Variants in PRKCB observed in about 807,000 individuals in gnomAD.
The protein encoded by PRKCB is protein kinase C beta.
A neutral mutation model predicts 81.5 loss-of-function variants in PRKCB; 13 were observed. The observed-to-expected ratio is 0.16, with a 90% CI of 0.10 to 0.25. The LOEUF is 0.25. Among genes scored for constraint, PRKCB ranks in the 10% least tolerant of loss-of-function variants. The pLI is 1.00. For synonymous variants in PRKCB, 335 were observed against 321.4 expected, an observed-to-expected ratio of 1.04 and a Z score of -0.45; for missense variants, 509 against 875.7, an observed-to-expected ratio of 0.58 and a Z score of 5.29.
intron 5 of PRKCB, among the ~76,000 whole-genome samples, chr16:24,075,959 T>C (rs999975250): frequency 6.6e-6 from 1 of 152,216 alleles, no homozygotes; most frequent in Admixed American, 6.5e-5. Flanking sequence ...TTTGTTATTA[T>C]ACTTTAAGTT....
chr16:24,053,151 G>A (rs573140117), intron 5 of PRKCB, among the ~76,000 whole-genome samples: 10 of 152,272 alleles, frequency 6.6e-5, no homozygotes, highest in East Asian at 1.9e-4. Context: ...CATCCAGCAC[G>A]GGGTTACTGC....
At chr16:23,881,576 T>C (rs1394915168) in intron 2 of PRKCB, among the ~76,000 whole-genome samples, 2 of 152,176 alleles carry the variant, frequency 1.3e-5, no homozygotes, top group Non-Finnish European at 2.9e-5. Context: ...TAAAAAAATA[T>C]TTTATTCCTT....
Position 24,180,821 on chromosome 16 carries a change from T to G in PRKCB, c.1426T>G (p.Ser476Ala). ...AAAACTTGACAACGTGATGCTCGAT[T>G]CTGAGGGACACATCAAGATTGCCGA... The part of the protein sequence containing the change: ...DLKLDNVMLD[S>A]EGHIKIADFG... Residue 476 changes from serine (S) to alanine (A), a missense_variant, in exon 13 of 17, where the codon TCT becomes GCT. Coordinates refer to ENST00000643927, the MANE Select transcript of PRKCB (RefSeq NM_002738.7). 6.2e-7 allele frequency: 1 copy of G among 1,614,212 alleles called. No homozygotes were observed. Among genetic ancestry groups the G allele is most frequent in the Non-Finnish European group, 8.5e-7 (1 of 1,180,030 alleles).
At chr16:23,974,501 C>T (rs537974933) in intron 2 of PRKCB, among the ~76,000 whole-genome samples, 1 of 152,184 alleles carries the variant, frequency 6.6e-6, no homozygotes, top group Non-Finnish European at 1.5e-5. Context: ...GCCAAGAGGG[C>T]AGGATCAGGA....
chr16:23,905,514 T>C (rs986557648), intron 2 of PRKCB, among the ~76,000 whole-genome samples: 1 of 152,206 alleles, frequency 6.6e-6, no homozygotes, highest in Non-Finnish European at 1.5e-5. Context: ...GTCCCAAATA[T>C]TGCATAGCAC....
chr16:23,879,820 G>C (rs1475885766), intron 2 of PRKCB, among the ~76,000 whole-genome samples: 2 of 152,202 alleles, frequency 1.3e-5, no homozygotes, highest in African/African-American at 4.8e-5. Flanking sequence ...TTCTAAGACA[G>C]CAGCATAGTA....
At chr16:24,178,125 G>T (rs770416793) in intron 12 of PRKCB, among the ~76,000 whole-genome samples, 13 of 152,148 alleles carry the variant, frequency 8.5e-5, no homozygotes, top group Admixed American at 1.3e-4. Flanking sequence ...TAAGTAAAGA[G>T]GATGAAGGAT....
chr16:23,925,975 G>A (rs892728071), intron 2 of PRKCB, among the ~76,000 whole-genome samples: 1 of 151,050 alleles, frequency 6.6e-6, no homozygotes. Flanking sequence ...TCCTGTTGCT[G>A]CAAAAGACAT....
intron 5 of PRKCB, among the ~76,000 whole-genome samples, chr16:24,072,510 A>G (rs1458713009): frequency 2.0e-5 from 3 of 151,986 alleles, no homozygotes; most frequent in Non-Finnish European, 4.4e-5. Flanking sequence ...TCAGCTTCCC[A>G]AAGAGTTGGG....
intron 3 of PRKCB, among the ~76,000 whole-genome samples, chr16:24,019,989 A>C (rs918327745): frequency 6.6e-6 from 1 of 152,284 alleles, no homozygotes; most frequent in East Asian, 1.9e-4. Flanking sequence ...AGGTTATTTT[A>C]CCTTCGTCCA....
intron 2 of PRKCB, among the ~76,000 whole-genome samples, chr16:23,915,829 T>A (rs1468595807): frequency 6.7e-6 from 1 of 150,244 alleles, no homozygotes; most frequent in African/African-American, 2.5e-5. Context: ...AAAATAAAAA[T>A]CACCTCTAAT....
chr16:23,878,100 C>T (rs957075353), intron 2 of PRKCB, among the ~76,000 whole-genome samples: 1 of 152,198 alleles, frequency 6.6e-6, no homozygotes, highest in African/African-American at 2.4e-5. Context: ...TCCCAAAGTG[C>T]TGTAATTACA....
At position 24,218,035 on chromosome 16, in the gene PRKCB, A is replaced by G. The variant is rs1472558569; in HGVS notation, c.*3219A>G. On this transcript the variant is annotated 3_prime_UTR_variant, in exon 17 of 17. Transcript: ENST00000643927. ...ATCCCAAGTCTTCCTTCATTCCACA[A>G]ATAATTACAAACAACCTACTGTGTG... 1 of 985,244 alleles carries G rather than the reference A, an allele frequency of 1.0e-6. No homozygotes were observed. Among genetic ancestry groups the G allele is most frequent in the Non-Finnish European group, 1.2e-6 (1 of 829,924 alleles). 61.0% of individuals were successfully genotyped at this position (985,244 alleles called of 1,614,324 possible).
Position 23,988,672 on chromosome 16 carries a change from G to A in PRKCB, c.288+82G>A, listed in dbSNP as rs1162119111. On this transcript the variant is annotated intron_variant, in intron 3 of 16. Coordinates refer to ENST00000643927, the MANE Select transcript of PRKCB (RefSeq NM_002738.7). The stretch of plus-strand genomic sequence containing the variant: ...TAAATGTGAGTGAGCATTCTTAGAC[G>A]AGTAAGTGTGGACGATCTCACTCTA... 1.6e-5 allele frequency: 20 copies of A among 1,252,876 alleles called. 1 individual carries two copies. In the South Asian group the frequency reaches 2.5e-4, roughly 16 times the overall value. The allele number at this position is 1,252,876 out of a possible 1,614,324, so 77.6% of individuals were successfully genotyped here.
intron 2 of PRKCB, among the ~76,000 whole-genome samples, chr16:23,839,468 G>A (rs954788059): frequency 6.6e-6 from 1 of 152,044 alleles, no homozygotes; most frequent in Non-Finnish European, 1.5e-5. Flanking sequence ...TAGAGAAGGG[G>A]TCTTGTGATG....
Position 24,172,293 on chromosome 16 carries a change from G to A in PRKCB, c.1263G>A (p.Glu421=). The A allele has an allele frequency of 6.2e-7, 1 of 1,614,038 alleles. No homozygotes were observed. The highest frequency in any genetic ancestry group is 1.1e-5 in the South Asian group (1 of 91,064). Residue 421 remains glutamate, a synonymous_variant, in exon 11 of 17, where the codon GAG becomes GAA. Coordinates refer to ENST00000643927, the MANE Select transcript of PRKCB (RefSeq NM_002738.7). The stretch of plus-strand genomic sequence containing the variant: ...AGGACCGCCTGTACTTTGTGATGGA[G>A]TACGTGAATGGGGGCGACCTCATGT... The part of the protein sequence containing the change: ...QTMDRLYFVM[E]YVNGGDLMYH...
chr16:23,865,692 C>T (rs775512025), intron 2 of PRKCB, among the ~76,000 whole-genome samples: 4 of 151,012 alleles, frequency 2.6e-5, no homozygotes, highest in Non-Finnish European at 4.4e-5. Context: ...CCAAGGGGCT[C>T]TTCTTGGGCT....
At chr16:24,047,723 G>A (rs926386118) in intron 5 of PRKCB, among the ~76,000 whole-genome samples, 11 of 152,206 alleles carry the variant, frequency 7.2e-5, no homozygotes, top group Admixed American at 6.5e-5. Context: ...CCAGTGGGGA[G>A]AGGAAGGAGA....
At chr16:24,017,556 G>A (rs894544631) in intron 3 of PRKCB, among the ~76,000 whole-genome samples, 4 of 151,844 alleles carry the variant, frequency 2.6e-5, no homozygotes, top group Non-Finnish European at 4.4e-5. Context: ...AAAGAACATC[G>A]ACAAAATTAA....
Sources: gnomAD v4.1 joint callset for allele counts (sites outside exome capture counted in the v4.1 genomes callset) on GRCh38, gnomAD v4.1.1 for gene constraint, MANE v1.5 for transcripts, NCBI Gene and HGNC (gene_info 2026-07-23, HGNC 2026-07-21) for gene names.